TMEM50B: variants seen among roughly 807,000 people sequenced by gnomAD.
TMEM50B encodes transmembrane protein 50B.
TMEM50B carries 14 observed loss-of-function variants against 23.4 expected under a neutral mutation model. The observed-to-expected ratio is 0.60, with a 90% CI of 0.39 to 0.93. The LOEUF (loss-of-function observed/expected upper bound fraction) is 0.93, where lower values mean the gene tolerates loss of function less well. Among genes scored for constraint, TMEM50B ranks in the 40% least tolerant of loss-of-function variants. TMEM50B has a pLI of 0.00. For missense variants in TMEM50B, 159 were observed against 193.0 expected, an observed-to-expected ratio of 0.82 and a Z score of 1.04; for synonymous variants, 64 against 62.3, an observed-to-expected ratio of 1.03 and a Z score of -0.13.
At chr21:33,455,644 A>C in intron 6 of TMEM50B, 83 bp downstream of exon 6, 1 of 1,137,890 alleles carries the variant, frequency 8.8e-7, no homozygotes, top group Non-Finnish European at 1.3e-6. Flanking sequence ...TGGGATTTAT[A>C]TGTGTTCCAT....
Position 33,467,019 on chromosome 21 carries a change from G to A in TMEM50B, c.203C>T (p.Ala68Val). 1 of 1,613,294 alleles carries A rather than the reference G, an allele frequency of 6.2e-7. No homozygotes were observed. Among genetic ancestry groups the A allele is most frequent in the South Asian group, 1.1e-5 (1 of 90,996 alleles). Residue 68 changes from alanine to valine, a missense_variant, in exon 3 of 7, where the codon GCT (alanine) becomes GTT (valine). Physicochemically the swap from Ala to Val is moderately conservative, Grantham distance 64. Coordinates refer to ENST00000542230, the MANE Select transcript of TMEM50B (RefSeq NM_006134.7). Reference sequence around the variant, plus strand: ...TTATCTTCATACTTACATGAAGAAAGCCAATGTGGAAAATACACCACATGT... The same window carrying A: ...TTATCTTCATACTTACATGAAGAAAACCAATGTGGAAAATACACCACATGT... ...FHTCGVFSTL[A>V]FFMINAVSNA...
intron 5 of TMEM50B, among the ~76,000 whole-genome samples, chr21:33,457,523 C>T (rs943255912): frequency 6.6e-6 from 1 of 151,186 alleles, no homozygotes; most frequent in Non-Finnish European, 1.5e-5. Context: ...TCGTGGCAGG[C>T]GGCTATAATC....
intron 4 of TMEM50B, among the ~76,000 whole-genome samples, chr21:33,461,416 A>G (rs2123435843): frequency 6.6e-6 from 1 of 152,332 alleles, no homozygotes; most frequent in East Asian, 1.9e-4. Flanking sequence ...AGATCTCCAG[A>G]AATAAACAGT....
intron 8 of TMEM50B, among the ~76,000 whole-genome samples, chr21:33,433,286 C>A (rs74415003): frequency 2.2e-3 from 333 of 152,272 alleles, no homozygotes; most frequent in African/African-American, 3.9e-3. Context: ...ATTTGGGTTA[C>A]AAATGGTATG....
chr21:33,470,019 T>G (rs1433372474), intron 1 of TMEM50B, among the ~76,000 whole-genome samples: 3 of 152,056 alleles, frequency 2.0e-5, no homozygotes, highest in Non-Finnish European at 2.9e-5. Context: ...TAAATAACTA[T>G]AGGAGTGTAG....
intron 2 of TMEM50B, among the ~76,000 whole-genome samples, chr21:33,467,419 T>C (rs1601129146): frequency 6.6e-6 from 1 of 152,160 alleles, no homozygotes; most frequent in East Asian, 1.9e-4. Flanking sequence ...AGGTCAGGAG[T>C]TTGAGACCAG....
At chr21:33,448,154 T>C (rs2084083070), downstream of TMEM50B, among the ~76,000 whole-genome samples, 1 of 151,582 alleles carries the variant, frequency 6.6e-6, no homozygotes, top group Admixed American at 6.6e-5. Flanking sequence ...CCACCACGCC[T>C]GGCTAATTTG....
At chr21:33,472,710 C>G (rs966626717) in intron 1 of TMEM50B, among the ~76,000 whole-genome samples, 3 of 151,854 alleles carry the variant, frequency 2.0e-5, no homozygotes, top group Non-Finnish European at 2.9e-5. Context: ...AACCCCGTCA[C>G]TACTAAAAAT....
intron 5 of TMEM50B, among the ~76,000 whole-genome samples, chr21:33,457,863 C>G (rs1038625505): frequency 7.9e-5 from 12 of 152,210 alleles, no homozygotes; most frequent in South Asian, 6.2e-4. Flanking sequence ...CAACCCACCC[C>G]CCGGAACCTA....
chr21:33,442,133 T>C (rs2084013941), intron 7 of TMEM50B, among the ~76,000 whole-genome samples: 1 of 152,148 alleles, frequency 6.6e-6, no homozygotes, highest in South Asian at 2.1e-4. Flanking sequence ...GTTTGCCAAA[T>C]AGTCTCTATT....
chr21:33,451,587 T>C (rs753416817), intron 6 of TMEM50B, among the ~76,000 whole-genome samples: 1 of 151,502 alleles, frequency 6.6e-6, no homozygotes, highest in Non-Finnish European at 1.5e-5. Context: ...CTCGGCAAAG[T>C]GAGAGAGGAT....
chr21:33,475,962 C>A (rs1437829985), intron 1 of TMEM50B, among the ~76,000 whole-genome samples: 1 of 151,898 alleles, frequency 6.6e-6, no homozygotes, highest in African/African-American at 2.4e-5. Flanking sequence ...TGAAGGACCT[C>A]TCTTATCACT....
At chr21:33,457,938 C>T (rs775083485) in intron 5 of TMEM50B, among the ~76,000 whole-genome samples, 1 of 152,056 alleles carries the variant, frequency 6.6e-6, no homozygotes, top group Non-Finnish European at 1.5e-5. Context: ...TTTAGTCAAT[C>T]ACAAACGGCT....
intron 2 of TMEM50B, 30 bp downstream of exon 2, chr21:33,468,757 A>G (rs777740792): frequency 2.0e-5 from 32 of 1,568,664 alleles, no homozygotes; most frequent in Non-Finnish European, 2.6e-5. Flanking sequence ...GGTAAGGGAT[A>G]CATGTCACCA....
chr21:33,455,386 A>C (rs1210366283), intron 6 of TMEM50B, among the ~76,000 whole-genome samples: 1 of 151,882 alleles, frequency 6.6e-6, no homozygotes, highest in Non-Finnish European at 1.5e-5. Flanking sequence ...GGGTTTTGCC[A>C]TGTTGCCCAG....
intron 3 of TMEM50B, 100 bp from the exon 4 acceptor site, chr21:33,465,509 T>TA (rs2084257682): frequency 4.8e-6 from 4 of 827,716 alleles, no homozygotes. Context: ...ATTTCATAAC[T>TA]AAAATCAGTA....
intron 1 of TMEM50B, among the ~76,000 whole-genome samples, chr21:33,472,625 C>G (rs1247443948): frequency 6.6e-6 from 1 of 151,860 alleles, no homozygotes; most frequent in African/African-American, 2.4e-5. Flanking sequence ...ACCTGCAATC[C>G]CAGCACTTTG....
At chr21:33,473,654 C>CA (rs145070351) in intron 1 of TMEM50B, among the ~76,000 whole-genome samples, 34,040 of 118,742 alleles carry the variant, frequency 0.29, 4,460 homozygotes, top group Middle Eastern at 0.36. Flanking sequence ...GACCTTGTCT[C>CA]AAAAAAAAAA....
chr21:33,440,979 C>T (rs1053720495), intron 7 of TMEM50B, among the ~76,000 whole-genome samples: 6 of 152,106 alleles, frequency 3.9e-5, no homozygotes, highest in African/African-American at 1.4e-4. Context: ...CCTGTAATCC[C>T]AGCATTTTGG....
Sources: allele counts gnomAD v4.1 joint callset (sites outside exome capture counted in the v4.1 genomes callset), GRCh38; gene constraint gnomAD v4.1.1; transcripts MANE v1.5; gene names NCBI Gene and HGNC (gene_info 2026-07-23, HGNC 2026-07-21).